Variants in EXD3 observed in about 807,000 individuals in gnomAD.
The protein encoded by EXD3 is exonuclease 3'-5' domain containing 3, also known as exonuclease mut-7 homolog.
EXD3 carries 92 observed loss-of-function variants against 98.0 expected under a neutral mutation model. The ratio of observed to expected loss-of-function variants is 0.94; its 90% CI spans 0.79 to 1.12. EXD3 has a LOEUF of 1.12. Among genes scored for constraint, EXD3 ranks in the 50% most tolerant of loss-of-function variants. EXD3 has a pLI of 0.00. For missense variants in EXD3, 1,222 were observed against 1,191.6 expected (o/e 1.03, Z -0.38); for synonymous variants, 569 against 526.0 (o/e 1.08, Z -1.12).
In EXD3 at chr9:137,357,869, G is replaced by A. The variant is rs73581585; in HGVS notation, c.657-1501C>T. ...GAGTCTCAAAGCTGAAGAACTTAGA[G>A]TCTGATGTTCGAGGGCAGGAGACGT... On this transcript the variant is annotated intron_variant, in intron 7 of 21. Coordinates refer to ENST00000340951, the MANE Select transcript of EXD3 (RefSeq NM_017820.5). Among the ~76,000 whole-genome samples the A allele has an allele frequency of 4.1e-3, 628 of 152,132 alleles. 5 individuals are homozygous for A. The highest frequency in any genetic ancestry group is 0.015 in the African/African-American group (606 of 41,496).
rs763956517 is a variant in EXD3, at chr9:137,373,512, G to A, written c.208C>T (p.Arg70Trp). The A allele has an allele frequency of 1.0e-5, 16 of 1,604,472 alleles. No individual in the cohort carries two copies. Among genetic ancestry groups the A allele is most frequent in the South Asian group, 6.7e-5 (6 of 89,580 alleles). ...GCCGCCAGGGAGGGGCCCTCTCCCCGCTGGCCCCGGCAGCTCTCCAGCATG... is the reference window on the plus strand; with the variant it reads ...GCCGCCAGGGAGGGGCCCTCTCCCCACTGGCCCCGGCAGCTCTCCAGCATG... ...LDMLESCRGQ[R>W]GEGPSLAAWI... is the part of the protein sequence containing the mutation. The change falls in exon 4 of 22, where the codon CGG (arginine) becomes TGG (tryptophan). Residue 70 changes from arginine to tryptophan, a missense_variant. By Grantham distance (101) the Arg-to-Trp change is moderately radical. Transcript: ENST00000340951.
rs1246645067 is a variant in EXD3, at chr9:137,359,787, C to T, written c.657-3419G>A. ...GTCTCTCACAGCTGAGTTTGTGAAC[C>T]GTGATCACTGCATCCACTGCTGCTC... On this transcript the variant is annotated intron_variant, in intron 7 of 21. Coordinates refer to ENST00000340951, the MANE Select transcript of EXD3 (RefSeq NM_017820.5). Among the ~76,000 whole-genome samples the T allele has an allele frequency of 3.5e-5, 3 of 85,920 alleles. 1 individual carries two copies. The highest frequency in any genetic ancestry group is 9.7e-5 in the African/African-American group (3 of 30,916). 56.4% of individuals were successfully genotyped at this position (85,920 alleles called of 152,430 possible). A position where few individuals can be genotyped will look rare whatever the true frequency, so the allele number is the denominator to read the frequency against.
At chr9:137,318,324 C>T (rs900688306) in intron 19 of EXD3, among the ~76,000 whole-genome samples, 2 of 152,056 alleles carry the variant, frequency 1.3e-5, no homozygotes, top group African/African-American at 2.4e-5. Context: ...GCTGCCGGCA[C>T]CCCCCCTCGT....
chr9:137,417,302 C>T (rs1409775922), intron 1 of EXD3, among the ~76,000 whole-genome samples: 2 of 152,168 alleles, frequency 1.3e-5, no homozygotes, highest in African/African-American at 2.4e-5. Context: ...GGAAAGGCGG[C>T]GGGTGGTGAG....
chr9:137,410,134 C>A (rs1266975709), intron 1 of EXD3, among the ~76,000 whole-genome samples: 3 of 152,034 alleles, frequency 2.0e-5, no homozygotes, highest in Non-Finnish European at 2.9e-5. Context: ...CGAGACCGTG[C>A]CACTACACTC....
intron 3 of EXD3, among the ~76,000 whole-genome samples, chr9:137,377,510 A>G (rs888056547): frequency 6.6e-6 from 1 of 150,802 alleles, no homozygotes; most frequent in Non-Finnish European, 1.5e-5. Context: ...GTGGTGGCTC[A>G]TGCCTGTAAT....
chr9:137,406,641 G>C (rs1210460216), intron 1 of EXD3, among the ~76,000 whole-genome samples: 1 of 152,184 alleles, frequency 6.6e-6, no homozygotes, highest in East Asian at 1.9e-4. Flanking sequence ...GATGGTGTCT[G>C]ATGAGCAAAT....
At chr9:137,332,801 C>T (rs1447582947) in intron 17 of EXD3, among the ~76,000 whole-genome samples, 4 of 152,098 alleles carry the variant, frequency 2.6e-5, no homozygotes, top group East Asian at 1.9e-4. Flanking sequence ...GCCAAGGTTG[C>T]GCCACTGCAC....
chr9:137,382,220 C>A (rs569523818), intron 3 of EXD3, among the ~76,000 whole-genome samples: 10 of 97,538 alleles, frequency 1.0e-4, no homozygotes, highest in Non-Finnish European at 1.8e-4. Flanking sequence ...CACAGGCCCA[C>A]CCCATGAAGA....
chr9:137,365,159 C>T (rs1478307911), intron 7 of EXD3: 1 of 151,950 alleles, frequency 6.6e-6, no homozygotes, highest in Non-Finnish European at 1.5e-5. Flanking sequence ...CGGCTGCTGC[C>T]TGCTCCCTCT....
intron 5 of EXD3, among the ~76,000 whole-genome samples, chr9:137,369,719 CTGGGTGGGGCTGGGTACTGGCCGTGCT>C (rs1331555634): frequency 6.6e-6 from 1 of 152,234 alleles, no homozygotes; most frequent in Admixed American, 6.5e-5. Flanking sequence ...GCAGAGGAGC[CTGGGTGGGGCTGGGTACTGGCCGTGCT>C]CCCCAGGTGG....
At position 137,309,536 on chromosome 9, in the gene EXD3, T is replaced by C. The variant is rs1056450750; in HGVS notation, c.2278+71A>G. ...CAGTGCTGGACGGGCCAGGCCCCTC[T>C]CCCTGGCTACCTCAGTAGGTCGACC... On this transcript the variant is annotated intron_variant, in intron 20 of 21. Transcript: ENST00000340951. 14 of 1,310,236 alleles carry C rather than the reference T, an allele frequency of 1.1e-5. No individual in the cohort carries two copies. In the African/African-American group the frequency reaches 1.8e-4, roughly 16 times the overall value. 81.2% of individuals were successfully genotyped at this position (1,310,236 alleles called of 1,614,324 possible).
intron 20 of EXD3, among the ~76,000 whole-genome samples, chr9:137,309,114 G>A (rs935156151): frequency 2.0e-5 from 3 of 152,288 alleles, no homozygotes; most frequent in African/African-American, 7.2e-5. Context: ...TCCAGCCCCC[G>A]TGCAGATCTA....
In EXD3 at chr9:137,307,725, C is replaced by T. The variant is rs1460666528; in HGVS notation, c.2279-79G>A. On this transcript the variant is annotated intron_variant, in intron 20 of 21. Coordinates refer to ENST00000340951, the MANE Select transcript of EXD3 (RefSeq NM_017820.5). ...CAGCCAGCGGGGTCCATGACGCAGCCATGCGGCTGAGCACAGTCACCTCAT... is the reference window on the plus strand; with the variant it reads ...CAGCCAGCGGGGTCCATGACGCAGCTATGCGGCTGAGCACAGTCACCTCAT... 1.3e-5 allele frequency: 20 copies of T among 1,545,526 alleles called. No homozygotes were observed. The East Asian group carries it at 4.3e-4, about 33-fold the overall frequency.
rs775409846 is a variant in EXD3, at chr9:137,348,055, C to T, written c.1998+16G>A. 1.9e-6 allele frequency: 3 copies of T among 1,606,912 alleles called. 1 individual carries two copies. The highest frequency in any genetic ancestry group is 2.5e-6 in the Non-Finnish European group (3 of 1,178,342). ...TGCACCTTGGGAGGACCCCAAGACC[C>T]TCCCCGCAAACTCACCTCGGCCGCC... On this transcript the variant is annotated intron_variant, in intron 17 of 21. Coordinates refer to ENST00000340951, the MANE Select transcript of EXD3 (RefSeq NM_017820.5).
intron 7 of EXD3, among the ~76,000 whole-genome samples, chr9:137,361,775 T>G (rs1588348379): frequency 6.8e-6 from 1 of 146,880 alleles, no homozygotes. Context: ...TTACCAGGCA[T>G]GCAGAGAAGA....
chr9:137,325,955 C>T (rs1832376988), intron 17 of EXD3, among the ~76,000 whole-genome samples: 1 of 151,964 alleles, frequency 6.6e-6, no homozygotes, highest in Admixed American at 6.6e-5. Flanking sequence ...CCAGGCGTGC[C>T]TGTAGTCCCA....
Position 137,351,315 on chromosome 9 carries a change from C to A in EXD3, c.1384+3G>T, listed in dbSNP as rs1184917551. 2.5e-6 allele frequency: 4 copies of A among 1,610,336 alleles called. No homozygotes were observed. In the African/African-American group the frequency reaches 5.3e-5, roughly 22 times the overall value. On this transcript the variant is annotated splice_donor_region_variant and intron_variant, in intron 13 of 21. Coordinates refer to ENST00000340951, the MANE Select transcript of EXD3 (RefSeq NM_017820.5). ...GGGCAGGGGGCCCCAGGGCTTCACT[C>A]ACCCAGCTTGGTGATAGAGGGGTCC...
intron 3 of EXD3, among the ~76,000 whole-genome samples, chr9:137,380,184 C>A (rs1471424115): frequency 3.3e-5 from 5 of 151,790 alleles, no homozygotes; most frequent in African/African-American, 1.2e-4. Context: ...CCCTGCCGGT[C>A]CCTCCTCCCT....
Sources: gnomAD v4.1 joint callset for allele counts (sites outside exome capture counted in the v4.1 genomes callset) on GRCh38, gnomAD v4.1.1 for gene constraint, MANE v1.5 for transcripts, NCBI Gene and HGNC (gene_info 2026-07-23, HGNC 2026-07-21) for gene names.